Variants in PLPP1 observed in about 807,000 individuals in gnomAD.
PLPP1 encodes the protein phospholipid phosphatase 1, also known as lipid phosphate phosphohydrolase 1a.
PLPP1 carries 24 observed loss-of-function variants against 31.2 expected under a neutral mutation model. The observed-to-expected ratio is 0.77, with a 90% CI of 0.56 to 1.08. The LOEUF is 1.08. Among genes scored for constraint, PLPP1 ranks in the 50% least tolerant of loss-of-function variants. PLPP1 has a pLI of 0.00. For missense variants in PLPP1, 319 were observed against 342.7 expected (o/e 0.93, Z 0.55); for synonymous variants, 146 against 126.3 (o/e 1.16, Z -1.05).
intron 3 of PLPP1, among the ~76,000 whole-genome samples, chr5:55,459,144 T>C (rs1171842486): frequency 6.6e-6 from 1 of 151,448 alleles, no homozygotes; most frequent in Non-Finnish European, 1.5e-5. Flanking sequence ...AGTGACTATA[T>C]ATTAATATCA....
intron 4 of PLPP1, among the ~76,000 whole-genome samples, chr5:55,436,068 A>G (rs1377932894): frequency 6.6e-6 from 1 of 152,098 alleles, no homozygotes; most frequent in Non-Finnish European, 1.5e-5. Flanking sequence ...AGAGATTCAT[A>G]CAAGCAATTT....
chr5:55,514,064 C>T (rs566899164), intron 1 of PLPP1, among the ~76,000 whole-genome samples: 9 of 152,092 alleles, frequency 5.9e-5, no homozygotes, highest in Non-Finnish European at 8.8e-5. Context: ...AAAAAAAATT[C>T]GAAAATCAAA....
intron 5 of PLPP1, 53 bp from the exon 6 acceptor site, chr5:55,425,387 AC>A (rs1751154433): frequency 6.7e-7 from 1 of 1,483,336 alleles, no homozygotes. Context: ...AAAACTACAT[AC>A]AAAGTTGTGA....
chr5:55,445,439 C>T (rs1432299061), intron 3 of PLPP1, among the ~76,000 whole-genome samples: 1 of 151,934 alleles, frequency 6.6e-6, no homozygotes, highest in East Asian at 1.9e-4. Context: ...ACCTGACTTT[C>T]TTCCTTTCCT....
chr5:55,497,309 G>C (rs1030732207), intron 1 of PLPP1, among the ~76,000 whole-genome samples: 2 of 152,068 alleles, frequency 1.3e-5, no homozygotes, highest in Admixed American at 6.6e-5. Context: ...CCAGTGGTAG[G>C]ATCATAGTTC....
intron 3 of PLPP1, among the ~76,000 whole-genome samples, chr5:55,445,804 C>G (rs987694076): frequency 6.6e-6 from 1 of 152,138 alleles, no homozygotes; most frequent in African/African-American, 2.4e-5. Context: ...CTCGGCCTCC[C>G]AAAGTGCTGG....
chr5:55,472,213 A>G (rs1316829716), intron 2 of PLPP1, among the ~76,000 whole-genome samples: 1 of 152,186 alleles, frequency 6.6e-6, no homozygotes, highest in Non-Finnish European at 1.5e-5. Flanking sequence ...ATACCTTTAA[A>G]CAATCTGTTC....
chr5:55,511,921 G>A (rs1429630494), intron 1 of PLPP1, among the ~76,000 whole-genome samples: 2 of 150,854 alleles, frequency 1.3e-5, no homozygotes, highest in Non-Finnish European at 3.0e-5. Context: ...CGTCCACCTC[G>A]GCCTCCCAAA....
chr5:55,428,268 G>C (rs1457960255), intron 4 of PLPP1, among the ~76,000 whole-genome samples: 3 of 152,196 alleles, frequency 2.0e-5, no homozygotes, highest in African/African-American at 7.2e-5. Flanking sequence ...TTGTGCTCTA[G>C]GCTTTGGCTT....
At chr5:55,445,078 T>C (rs1751729819) in intron 3 of PLPP1, among the ~76,000 whole-genome samples, 1 of 152,130 alleles carries the variant, frequency 6.6e-6, no homozygotes, top group Non-Finnish European at 1.5e-5. Context: ...GGCAACTTTA[T>C]GATGTTTTTT....
intron 1 of PLPP1, among the ~76,000 whole-genome samples, chr5:55,492,164 A>T (rs1192830049): frequency 1.3e-5 from 2 of 152,186 alleles, no homozygotes. Context: ...TTTGTTTTAT[A>T]CAAACTCACT....
intron 1 of PLPP1, among the ~76,000 whole-genome samples, chr5:55,504,634 T>A (rs1038367965): frequency 6.7e-6 from 1 of 149,198 alleles, no homozygotes; most frequent in Non-Finnish European, 1.5e-5. Context: ...TACATACACA[T>A]ACACACTAAA....
chr5:55,432,272 G>A (rs766919947), intron 4 of PLPP1, among the ~76,000 whole-genome samples: 16 of 151,954 alleles, frequency 1.1e-4, no homozygotes, highest in Non-Finnish European at 1.6e-4. Flanking sequence ...TGCTGTGCAT[G>A]AACTGGAAAG....
chr5:55,443,212 T>TATATATATATATATATAC (rs1169152710), intron 3 of PLPP1, among the ~76,000 whole-genome samples: 119 of 104,956 alleles, frequency 1.1e-3, no homozygotes, highest in Non-Finnish European at 1.8e-3. Flanking sequence ...TATATATATA[T>TATATATATATATATATAC]ACACACACAC....
rs150129806 is a variant in PLPP1, at chr5:55,530,856, G to A, written c.58+3716C>T. On this transcript the variant is annotated intron_variant, in intron 1 of 5. Transcript: ENST00000307259. Reference sequence around the variant, plus strand: ...AGACGGGGCAGTAGGATGTGGCCGCGGAGAGGTCCTCAGCCATGGCGGGGG... The same window carrying A: ...AGACGGGGCAGTAGGATGTGGCCGCAGAGAGGTCCTCAGCCATGGCGGGGG... Among the ~76,000 whole-genome samples, 368 of 152,358 alleles carry A rather than the reference G, an allele frequency of 2.4e-3. 1 individual carries two copies. The highest frequency in any genetic ancestry group is 8.2e-3 in the African/African-American group (343 of 41,598).
intron 1 of PLPP1, among the ~76,000 whole-genome samples, chr5:55,503,324 G>A (rs1753186084): frequency 6.6e-6 from 1 of 152,168 alleles, no homozygotes; most frequent in Non-Finnish European, 1.5e-5. Flanking sequence ...GTCAAATCCT[G>A]ATCTTAGTAT....
At chr5:55,481,923 T>C (rs1270929867) in intron 1 of PLPP1, among the ~76,000 whole-genome samples, 1 of 151,472 alleles carries the variant, frequency 6.6e-6, no homozygotes, top group Non-Finnish European at 1.5e-5. Flanking sequence ...TCCACAGTAC[T>C]ATATTTCTAC....
chr5:55,481,718 T>C (rs1752670732), intron 1 of PLPP1, among the ~76,000 whole-genome samples: 1 of 152,202 alleles, frequency 6.6e-6, no homozygotes, highest in Admixed American at 6.5e-5. Context: ...AATGTGGATG[T>C]AGGCTAGAAG....
intron 2 of PLPP1, among the ~76,000 whole-genome samples, chr5:55,470,599 T>A (rs1206481196): frequency 6.6e-6 from 1 of 152,228 alleles, no homozygotes; most frequent in African/African-American, 2.4e-5. Context: ...CTAGGTCAAC[T>A]CACATCGCTG....
Sources: gnomAD v4.1 joint callset for allele counts (sites outside exome capture counted in the v4.1 genomes callset) on GRCh38, gnomAD v4.1.1 for gene constraint, MANE v1.5 for transcripts, NCBI Gene and HGNC (gene_info 2026-07-23, HGNC 2026-07-21) for gene names.